The following VPS13B variants were observed in gnomAD, a reference collection of about 807,000 sequenced individuals.
VPS13B encodes vacuolar protein sorting 13 homolog B.
A neutral mutation model predicts 426.4 loss-of-function variants in VPS13B; 285 were observed. That is an observed-to-expected ratio of 0.67 (90% CI 0.61 to 0.74). VPS13B has a LOEUF of 0.74. Among genes scored for constraint, VPS13B ranks in the 30% least tolerant of loss-of-function variants. The pLI, the probability that VPS13B is intolerant of heterozygous loss-of-function variation, is 0.00. For synonymous variants in VPS13B, 1,676 were observed against 1,676.4 expected (o/e 1.00, Z 0.01); for missense variants, 4,537 against 4,782.6 (o/e 0.95, Z 1.51).
chr8:99,751,491 A>C (rs1475189480), intron 39 of VPS13B, among the ~76,000 whole-genome samples: 2 of 152,188 alleles, frequency 1.3e-5, no homozygotes, highest in Non-Finnish European at 2.9e-5. Context: ...TAGTAATCCC[A>C]GGTACTTGAC....
At chr8:99,204,011 T>C (rs925844324) in intron 17 of VPS13B, among the ~76,000 whole-genome samples, 1 of 152,174 alleles carries the variant, frequency 6.6e-6, no homozygotes, top group African/African-American at 2.4e-5. Context: ...AAAACTACTT[T>C]AAATTTCATA....
chr8:99,171,944 C>CA (rs1812360983), intron 16 of VPS13B, among the ~76,000 whole-genome samples: 1 of 152,042 alleles, frequency 6.6e-6, no homozygotes, highest in African/African-American at 2.4e-5. Flanking sequence ...CCTGGGACGT[C>CA]AGAGATAGCT....
intron 43 of VPS13B, among the ~76,000 whole-genome samples, chr8:99,800,870 T>C (rs549024695): frequency 6.6e-6 from 1 of 152,292 alleles, no homozygotes; most frequent in South Asian, 2.1e-4. Flanking sequence ...ATAGGTATGT[T>C]GAAACATGGA....
At chr8:99,174,719 G>T (rs1431621325) in intron 16 of VPS13B, among the ~76,000 whole-genome samples, 1 of 152,078 alleles carries the variant, frequency 6.6e-6, no homozygotes, top group Non-Finnish European at 1.5e-5. Flanking sequence ...GAACCATATT[G>T]CAGGGTCCTG....
At position 99,809,497 on chromosome 8, in the gene VPS13B, C is replaced by A; in HGVS notation, c.8064C>A (p.Ile2688=). ...QYRGRTASLI[I]KVQQLNGVQK... is the part of the protein sequence containing the mutation. ...GGGGTCGAACTGCTTCTCTCATCATCAAGGTTCAGCAACTCAATGGAGTAC... is the reference window on the plus strand; with the variant it reads ...GGGGTCGAACTGCTTCTCTCATCATAAAGGTTCAGCAACTCAATGGAGTAC... The change falls in exon 44 of 62, where the codon ATC becomes ATA. Residue 2688 remains isoleucine, a synonymous_variant. Transcript: ENST00000357162. 6.2e-7 allele frequency: 1 copy of A among 1,614,026 alleles called. No individual in the cohort carries two copies. Among genetic ancestry groups the A allele is most frequent in the East Asian group, 2.2e-5 (1 of 44,834 alleles).
chr8:99,435,548 C>T (rs1817325219), intron 22 of VPS13B, among the ~76,000 whole-genome samples: 1 of 152,110 alleles, frequency 6.6e-6, no homozygotes, highest in African/African-American at 2.4e-5. Flanking sequence ...TGGAGAATGT[C>T]CTTCTCTGGC....
At chr8:99,407,936 G>T (rs1448125838) in intron 21 of VPS13B, among the ~76,000 whole-genome samples, 1 of 152,174 alleles carries the variant, frequency 6.6e-6, no homozygotes, top group South Asian at 2.1e-4. Context: ...ATGGGGGATT[G>T]AGAGAAAGGT....
rs139003486 is a variant in VPS13B, at chr8:99,749,225, T to A, written c.7051-17549T>A. Among the ~76,000 whole-genome samples the A allele has an allele frequency of 4.2e-3, 633 of 152,186 alleles. 6 individuals are homozygous for A. The highest frequency in any genetic ancestry group is 4.4e-3 in the Non-Finnish European group (296 of 67,966). The stretch of plus-strand genomic sequence containing the variant: ...ACCATCACCTCAAGCATTTATCATT[T>A]CTTTCTGTTATAAACATTCCAATTA... On this transcript the variant is annotated intron_variant, in intron 39 of 61. Transcript: ENST00000357162.
intron 11 of VPS13B, 34 bp downstream of exon 11, chr8:99,135,767 CTG>C (rs1424551098): frequency 6.2e-7 from 1 of 1,611,820 alleles, no homozygotes; most frequent in Admixed American, 1.7e-5. Flanking sequence ...AAATTCTAGG[CTG>C]TGTTTGGGTG....
At chr8:99,748,667 C>T (rs976650633) in intron 39 of VPS13B, among the ~76,000 whole-genome samples, 2 of 152,038 alleles carry the variant, frequency 1.3e-5, no homozygotes, top group African/African-American at 4.8e-5. Flanking sequence ...GTATATGTCA[C>T]ATATGTGCTT....
chr8:99,069,561 CTAA>C (rs1392408551), intron 3 of VPS13B, among the ~76,000 whole-genome samples: 1 of 152,150 alleles, frequency 6.6e-6, no homozygotes, highest in Non-Finnish European at 1.5e-5. Context: ...CATACATTTT[CTAA>C]TAATTTGTGT....
In VPS13B at chr8:99,117,811, G is replaced by A. The variant is rs530834218; in HGVS notation, c.937+1937G>A. ...AGGAGAGAATGACTGCAAATAAATAGGTTTCTTTTTGGAATGATGAAAATG... is the reference window on the plus strand; with the variant it reads ...AGGAGAGAATGACTGCAAATAAATAAGTTTCTTTTTGGAATGATGAAAATG... On this transcript the variant is annotated intron_variant, in intron 7 of 61. Coordinates refer to ENST00000357162, the MANE Select transcript of VPS13B (RefSeq NM_152564.5). Among the ~76,000 whole-genome samples the A allele has an allele frequency of 2.6e-5, 4 of 152,108 alleles. No homozygotes were observed. The East Asian group carries it at 5.8e-4, about 22-fold the overall frequency.
chr8:99,832,466 C>T lies in VPS13B; in HGVS notation c.9428C>T (p.Pro3143Leu). Residue 3143 changes from proline to leucine, a missense_variant, in exon 52 of 62, where the codon CCT becomes CTT. Physicochemically the swap from Pro to Leu is moderately conservative, Grantham distance 98 (BLOSUM62 -3). This residue lies in a region of VPS13B where 4,311 missense variants were observed against 4,474.3 expected (regional missense o/e 0.96). Transcript: ENST00000357162. The stretch of plus-strand genomic sequence containing the variant: ...TCCCTTCCTTGCTGGGACTTGATGC[C>T]TGACATCAGTCAGTCAGTACTGGAT... ...SSSLPCWDLM[P>L]DISQSVLDAS... 6.2e-7 allele frequency: 1 copy of T among 1,610,988 alleles called. No homozygotes were observed. Among genetic ancestry groups the T allele is most frequent in the Non-Finnish European group, 8.5e-7 (1 of 1,179,382 alleles).
intron 19 of VPS13B, among the ~76,000 whole-genome samples, chr8:99,313,815 C>T (rs1821152545): frequency 6.6e-6 from 1 of 152,138 alleles, no homozygotes; most frequent in Non-Finnish European, 1.5e-5. Context: ...GTGGGCTCCA[C>T]CCAGTTCAAG....
At chr8:99,560,956 A>C (rs764041063) in intron 31 of VPS13B, among the ~76,000 whole-genome samples, 2 of 152,170 alleles carry the variant, frequency 1.3e-5, no homozygotes, top group Non-Finnish European at 2.9e-5. Context: ...CCTTAGTTGT[A>C]TCTCTCCTAT....
rs1421107785 is a variant in VPS13B at position 99,717,325 on chromosome 8, A to C, written c.6609A>C (p.Glu2203Asp). The C allele has an allele frequency of 1.9e-6, 3 of 1,613,954 alleles. No homozygotes were observed. The African/African-American group carries it at 4.0e-5, about 22-fold the overall frequency. Reference protein sequence around the residue: ...WCKHSGNPGPEQSIPKISIDL... With the variant: ...WCKHSGNPGPDQSIPKISIDL... ...AACACAGCGGGAATCCAGGCCCAGA[A>C]CAATCCATACCAAAAATATCCATTG... The change falls in exon 37 of 62, where the codon GAA becomes GAC. Residue 2203 changes from glutamate (E) to aspartate (D), a missense_variant. Glu to Asp is a conservative substitution (Grantham distance 45). This residue lies in a region of VPS13B where 4,311 missense variants were observed against 4,474.3 expected (regional missense o/e 0.96). Transcript: ENST00000357162.
At chr8:99,435,435 ACT>A (rs952911859) in intron 22 of VPS13B, among the ~76,000 whole-genome samples, 6 of 152,082 alleles carry the variant, frequency 3.9e-5, no homozygotes, top group Non-Finnish European at 7.4e-5. Flanking sequence ...TTATTTGACA[ACT>A]CTGGGAAAAT....
At chr8:99,030,154 T>TTTTA (rs1479080647) in intron 2 of VPS13B, among the ~76,000 whole-genome samples, 3 of 149,676 alleles carry the variant, frequency 2.0e-5, no homozygotes, top group Non-Finnish European at 4.4e-5. Flanking sequence ...TTTTTTTTTT[T>TTTTA]TACTTAATAG....
intron 4 of VPS13B, among the ~76,000 whole-genome samples, chr8:99,100,514 C>T (rs1846675838): frequency 6.6e-6 from 1 of 151,872 alleles, no homozygotes; most frequent in Admixed American, 6.6e-5. Flanking sequence ...GATCTCGAAC[C>T]CCTGAGCTCA....
Sources: allele counts gnomAD v4.1 joint callset (sites outside exome capture counted in the v4.1 genomes callset), GRCh38; gene constraint gnomAD v4.1.1; regional missense constraint gnomAD v4.1.1; transcripts MANE v1.5; gene names NCBI Gene and HGNC (gene_info 2026-07-23, HGNC 2026-07-21).